VEGFD: variants seen among roughly 807,000 people sequenced by gnomAD.
VEGFD encodes the protein vascular endothelial growth factor D.
VEGFD carries 26 observed loss-of-function variants against 28.0 expected under a neutral mutation model. The observed-to-expected ratio is 0.93, with a 90% CI of 0.68 to 1.29. The LOEUF is 1.29. Ranked by LOEUF, VEGFD falls within the 50% of genes most tolerant of loss-of-function variation. VEGFD has a pLI of 0.00. For synonymous variants in VEGFD, 93 were observed against 95.5 expected (o/e 0.97, Z 0.15); for missense variants, 294 against 273.4 (o/e 1.08, Z -0.53).
chrX:15,379,923 C>T (rs1007619891), intron 1 of VEGFD, among the ~76,000 whole-genome samples: 1 of 111,884 alleles, frequency 8.9e-6, no homozygotes, highest in African/African-American at 3.3e-5. Flanking sequence ...CAAGGAAGTA[C>T]TATATTGAAG....
intron 1 of VEGFD, among the ~76,000 whole-genome samples, chrX:15,364,569 ATG>A (rs1923100403): frequency 8.9e-6 from 1 of 112,183 alleles, no homozygotes; most frequent in Admixed American, 9.5e-5. Context: ...TGCTGGAGAA[ATG>A]ATAAGGTGAT....
intron 3 of VEGFD, 27 bp from the exon 4 acceptor site, chrX:15,355,325 A>G: frequency 9.0e-7 from 1 of 1,112,300 alleles, no homozygotes; most frequent in Non-Finnish European, 1.2e-6. Context: ...TAACCACAAT[A>G]TATTTTTTTA....
intron 1 of VEGFD, among the ~76,000 whole-genome samples, chrX:15,368,035 G>GA (rs778478507): frequency 0.011 from 413 of 36,689 alleles, 6 homozygotes; most frequent in South Asian, 0.046. Context: ...AGAAAGGAAA[G>GA]AAGAAAGAAA....
Position 15,355,530 on chromosome X carries a change from G to A in VEGFD, c.493-232C>T, listed in dbSNP as rs148394040. 4.8e-3 allele frequency among the ~76,000 whole-genome samples: 536 copies of A among 111,721 alleles called. 4 individuals are homozygous for A. Among genetic ancestry groups the A allele is most frequent in the African/African-American group, 0.017 (526 of 30,757 alleles). ...TTGTAAAATGGTACTGTTAATCCCT[G>A]CTCCTGCTTTAAATTTGAGTGTAAA... On this transcript the variant is annotated intron_variant, in intron 3 of 6. Coordinates refer to ENST00000297904, the MANE Select transcript of VEGFD (RefSeq NM_004469.5).
rs141251994 is a variant in VEGFD at position 15,361,598 on chromosome X, G to A, written c.301+1511C>T. 5.7e-3 allele frequency among the ~76,000 whole-genome samples: 637 copies of A among 111,684 alleles called. 5 individuals carry two copies. Among genetic ancestry groups the A allele is most frequent in the African/African-American group, 0.019 (595 of 30,746 alleles). ...TGGGAAAAAACAAATACAATTTTAG[G>A]TAGAAAGAAAAAAATAGTTTTGGCC... On this transcript the variant is annotated intron_variant, in intron 2 of 6. Coordinates refer to ENST00000297904, the MANE Select transcript of VEGFD (RefSeq NM_004469.5).
intron 2 of VEGFD, among the ~76,000 whole-genome samples, chrX:15,361,292 C>T (rs750993940): frequency 8.9e-6 from 1 of 112,105 alleles, no homozygotes; most frequent in Non-Finnish European, 1.9e-5. Flanking sequence ...CTGGTTAAGG[C>T]CTTTGACCTC....
intron 1 of VEGFD, among the ~76,000 whole-genome samples, chrX:15,383,494 A>G (rs2146992529): frequency 8.9e-6 from 1 of 112,446 alleles, no homozygotes; most frequent in South Asian, 3.7e-4. Context: ...CTGAAAATAA[A>G]TGGCCCACAA....
At position 15,368,117 on chromosome X, in the gene VEGFD, A is replaced by AAAAG. The variant is rs375024478; in HGVS notation, c.91-4799_91-4798insCTTT. Reference sequence around the variant, plus strand: ...AAAGAAAGAAAAGAAGGAAAGAAAGAAAGGAGAGAAAGAGAAAGAAAGAAA... The same window carrying AAAAG: ...AAAGAAAGAAAAGAAGGAAAGAAAGAAAAGAAGGAGAGAAAGAGAAAGAAAGAAA... On this transcript the variant is annotated intron_variant, in intron 1 of 6. Coordinates refer to ENST00000297904, the MANE Select transcript of VEGFD (RefSeq NM_004469.5). Among the ~76,000 whole-genome samples, 475 of 103,122 alleles carry AAAAG rather than the reference A, an allele frequency of 4.6e-3. 3 individuals carry two copies. The highest frequency in any genetic ancestry group is 0.012 in the African/African-American group (324 of 26,643). 89.5% of individuals were successfully genotyped at this position (103,122 alleles called of 115,157 possible).
intron 2 of VEGFD, among the ~76,000 whole-genome samples, chrX:15,362,818 T>C (rs1351003910): frequency 2.7e-5 from 3 of 111,862 alleles, no homozygotes; most frequent in African/African-American, 9.7e-5. Flanking sequence ...TGTTTTTCTA[T>C]TGAGAACAAT....
Position 15,383,862 on chromosome X carries a change from C to T in VEGFD, c.85G>A (p.Val29Met), listed in dbSNP as rs753537678. Residue 29 changes from valine to methionine, a missense_variant, in exon 1 of 7, where the codon GTG becomes ATG. Val to Met is a conservative substitution (Grantham distance 21). Coordinates refer to ENST00000297904, the MANE Select transcript of VEGFD (RefSeq NM_004469.5). ...VQGSSNEHGP[V>M]KRSSQSTLER... ...TAAAAATTGAGCTCACCTACCTTCACTGGTCCATGTTCATTACTGGAGCCC... is the reference window on the plus strand; with the variant it reads ...TAAAAATTGAGCTCACCTACCTTCATTGGTCCATGTTCATTACTGGAGCCC... 148 of 1,204,345 alleles carry T rather than the reference C, an allele frequency of 1.2e-4. No individual in the cohort carries two copies. The highest frequency in any genetic ancestry group is 1.7e-4 in the Admixed American group (8 of 45,771).
chrX:15,347,891 T>A (rs1922595481), intron 5 of VEGFD, among the ~76,000 whole-genome samples: 1 of 112,203 alleles, frequency 8.9e-6, no homozygotes, highest in Admixed American at 9.4e-5. Flanking sequence ...CACCAACATC[T>A]GCTGGAAGAT....
In VEGFD at chrX:15,347,156, G is replaced by A. The variant is rs756676683; in HGVS notation, c.938+8C>T. The A allele has an allele frequency of 8.3e-7, 1 of 1,197,987 alleles. No individual in the cohort carries two copies. The highest frequency in any genetic ancestry group is 3.0e-5 in the East Asian group (1 of 33,543). On this transcript the variant is annotated splice_region_variant and intron_variant, in intron 6 of 6. Coordinates refer to ENST00000297904, the MANE Select transcript of VEGFD (RefSeq NM_004469.5). Reference sequence around the variant, plus strand: ...ATGAGTAAAGGCAAGACAACTCAAGGCATTTACCTGCAGGTGTCTGGGTGA... The same window carrying A: ...ATGAGTAAAGGCAAGACAACTCAAGACATTTACCTGCAGGTGTCTGGGTGA...
chrX:15,376,772 G>A (rs774408440), intron 1 of VEGFD, among the ~76,000 whole-genome samples: 11 of 111,805 alleles, frequency 9.8e-5, no homozygotes, highest in Non-Finnish European at 2.1e-4. Context: ...CCATTGCAAA[G>A]TTGTTTTCAC....
chrX:15,347,352 A>T lies in VEGFD; in HGVS notation c.750T>A (p.Ser250=), dbSNP rs756109504. The change falls in exon 6 of 7, where the codon TCT becomes TCA. Residue 250 remains serine, a synonymous_variant. Transcript: ENST00000297904. ...ENPLAGTEDH[S]HLQEPALCGP... is the part of the protein sequence containing the mutation. ...CACAGAGAGCTGGTTCCTGGAGATG[A>T]GAGTGGTCTAAAGAGAAACAGAAAC... The T allele has an allele frequency of 4.1e-6, 5 of 1,205,483 alleles. No homozygotes were observed. The South Asian group carries it at 8.9e-5, about 22-fold the overall frequency.
At chrX:15,378,501 TTACA>T (rs200490059) in intron 1 of VEGFD, among the ~76,000 whole-genome samples, 1,148 of 111,898 alleles carry the variant, frequency 0.01, 12 homozygotes, top group African/African-American at 0.035. Context: ...ATCTACTCTA[TTACA>T]TACAGGCTTT....
intron 1 of VEGFD, among the ~76,000 whole-genome samples, chrX:15,371,420 T>A (rs755440555): frequency 8.9e-6 from 1 of 112,472 alleles, no homozygotes; most frequent in South Asian, 3.7e-4. Flanking sequence ...CTAAATAGTT[T>A]TGCAAGTAAT....
chrX:15,368,083 A>AAAAG (rs1163292874), intron 1 of VEGFD, among the ~76,000 whole-genome samples: 20 of 99,394 alleles, frequency 2.0e-4, no homozygotes, highest in African/African-American at 3.8e-4. Flanking sequence ...AGAAAGAAAG[A>AAAAG]AAAGAAAGAA....
At chrX:15,350,811 T>C (rs915242859) in intron 5 of VEGFD, among the ~76,000 whole-genome samples, 3 of 101,110 alleles carry the variant, frequency 3.0e-5, no homozygotes, top group African/African-American at 7.3e-5. Flanking sequence ...CTTTCTTTCT[T>C]TCTCTCTCTC....
At chrX:15,354,029 C>G (rs1464592073) in intron 4 of VEGFD, among the ~76,000 whole-genome samples, 1 of 108,391 alleles carries the variant, frequency 9.2e-6, no homozygotes, top group East Asian at 2.9e-4. Flanking sequence ...AGTGCAGTGG[C>G]GCGATCTCGG....
Sources: gnomAD v4.1 joint callset for allele counts (sites outside exome capture counted in the v4.1 genomes callset) on GRCh38, gnomAD v4.1.1 for gene constraint, MANE v1.5 for transcripts, NCBI Gene and HGNC (gene_info 2026-07-23, HGNC 2026-07-21) for gene names.